The following DLL1 variants were observed in gnomAD, a reference collection of about 807,000 sequenced individuals.
DLL1 encodes delta-like protein 1.
A neutral mutation model predicts 75.1 loss-of-function variants in DLL1; 9 were observed. That is an observed-to-expected ratio of 0.12 (90% CI 0.07 to 0.21). The LOEUF (loss-of-function observed/expected upper bound fraction) is 0.21, where lower values mean the gene tolerates loss of function less well. Among genes scored for constraint, DLL1 ranks in the 10% least tolerant of loss-of-function variants. The pLI is 1.00. For synonymous variants in DLL1, 477 were observed against 418.3 expected, an observed-to-expected ratio of 1.14 and a Z score of -1.71; for missense variants, 837 against 1,007.6, an observed-to-expected ratio of 0.83 and a Z score of 2.29.
chr6:170,285,405 T>C lies in DLL1; in HGVS notation c.881A>G (p.His294Arg). Residue 294 changes from histidine (H) to arginine (R), a missense_variant, in exon 7 of 11, where the codon CAC (histidine) becomes CGC (arginine). This residue lies in a region of DLL1 where 304 missense variants were observed against 461.9 expected (regional missense o/e 0.66). Coordinates refer to ENST00000366756, the MANE Select transcript of DLL1 (RefSeq NM_005618.4). ...FCNQDLNYCT[H>R]HKPCKNGATC... ...GGCTCCATTCTTGCAGGGCTTATGG[T>C]GTGTGCAGTAGTTCAGGTCTGTGAA... 1 of 1,614,098 alleles carries C rather than the reference T, an allele frequency of 6.2e-7. No homozygotes were observed. Among genetic ancestry groups the C allele is most frequent in the Non-Finnish European group, 8.5e-7 (1 of 1,180,022 alleles).
At chr6:170,289,323 G>A (rs1392915724) in intron 2 of DLL1, 189 bp downstream of exon 2, 1 of 975,706 alleles carries the variant, frequency 1.0e-6, no homozygotes, top group Non-Finnish European at 1.5e-6. Context: ...AGGCCGCGGG[G>A]CCCCGGGGCG....
At position 170,283,827 on chromosome 6, in the gene DLL1, C is replaced by A. The variant is rs1445629780; in HGVS notation, c.1452G>T (p.Arg484Ser). 2 of 1,599,162 alleles carry A rather than the reference C, an allele frequency of 1.3e-6. No homozygotes were observed. The highest frequency in any genetic ancestry group is 8.5e-7 in the Non-Finnish European group (1 of 1,176,184). ...TGRNCSAPVS[R>S]CEHAPCHNGA... is the part of the protein sequence containing the mutation. ...CATTGTGGCAGGGTGCGTGCTCGCACCTGCTGACGGGGGCACTGCAGTTCC... is the reference window on the plus strand; with the variant it reads ...CATTGTGGCAGGGTGCGTGCTCGCAACTGCTGACGGGGGCACTGCAGTTCC... Residue 484 changes from arginine to serine, a missense_variant, in exon 9 of 11, where the codon AGG becomes AGT. Arg to Ser is a moderately radical substitution (Grantham distance 110). This residue lies in a region of DLL1 where 533 missense variants were observed against 545.7 expected (regional missense o/e 0.98). Transcript: ENST00000366756.
Position 170,290,213 on chromosome 6 carries a change from TCGA to T in DLL1, c.-77_-75del. 2.6e-6 allele frequency: 4 copies of T among 1,549,068 alleles called. No homozygotes were observed. The highest frequency in any genetic ancestry group is 3.5e-6 in the Non-Finnish European group (4 of 1,147,830). ...AGAACAGCGGCGGACGCGCGGGGGA[TCGA>T]TGGGCCACGGGGAGCGTGGGCAGAA... On this transcript the variant is annotated 5_prime_UTR_variant, in exon 1 of 11. Transcript: ENST00000366756. The surrounding 1 kb of genome is among the most constrained non-coding windows in gnomAD (Gnocchi z 4.7).
chr6:170,289,205 C>A, intron 2 of DLL1: 1 of 649,148 alleles, frequency 1.5e-6, no homozygotes, highest in Admixed American at 2.3e-5. Context: ...CAGAACCTTC[C>A]CACGTGAAGG....
chr6:170,289,584 A>G lies in DLL1; in HGVS notation c.279T>C (p.Ser93=), dbSNP rs1456969689. Residue 93 remains serine, a synonymous_variant, in exon 2 of 11, where the codon AGT becomes AGC. Transcript: ENST00000366756. ...AGTCGGCGCCCCCGCCGTCGGGCAG[A>G]CTGAAGGAGTCGACGCCCAGCACGG... is the stretch of plus-strand genomic sequence containing the variant. ...VTPVLGVDSF[S]LPDGGGADSA... 3 of 1,535,574 alleles carry G rather than the reference A, an allele frequency of 2.0e-6. No individual in the cohort carries two copies. The highest frequency in any genetic ancestry group is 2.0e-5 in the Admixed American group (1 of 50,984).
intron 2 of DLL1, among the ~76,000 whole-genome samples, 183 bp from the exon 3 acceptor site, chr6:170,288,972 G>T (rs1223519083): frequency 6.6e-6 from 1 of 152,220 alleles, no homozygotes; most frequent in South Asian, 2.1e-4. Context: ...TAAGGAAATG[G>T]AAGAACTTTT....
Position 170,283,790 on chromosome 6 carries a change from G to T in DLL1, c.1489C>A (p.His497Asn), listed in dbSNP as rs1238908942. Residue 497 changes from histidine (H) to asparagine (N), a missense_variant, in exon 9 of 11, where the codon CAC (histidine) becomes AAC (asparagine). His to Asn is a moderately conservative substitution (Grantham distance 68). Transcript: ENST00000366756. ...HAPCHNGATC[H>N]ERGHRYVCEC... Reference sequence around the variant, plus strand: ...CACACATAGCGGTGGCCCCTCTCGTGGCAGGTGGCCCCATTGTGGCAGGGT... The same window carrying T: ...CACACATAGCGGTGGCCCCTCTCGTTGCAGGTGGCCCCATTGTGGCAGGGT... 1 of 1,596,402 alleles carries T rather than the reference G, an allele frequency of 6.3e-7. No individual in the cohort carries two copies. Among genetic ancestry groups the T allele is most frequent in the Non-Finnish European group, 8.5e-7 (1 of 1,173,818 alleles).
At position 170,289,620 on chromosome 6, in the gene DLL1, G is replaced by A. The variant is rs903224235; in HGVS notation, c.243C>T (p.Ser81=). The A allele has an allele frequency of 7.8e-6, 12 of 1,536,966 alleles. No homozygotes were observed. The highest frequency in any genetic ancestry group is 3.9e-5 in the Admixed American group (2 of 50,958). The change falls in exon 2 of 11, where the codon AGC becomes AGT. Residue 81 remains serine, a synonymous_variant. Coordinates refer to ENST00000366756, the MANE Select transcript of DLL1 (RefSeq NM_005618.4). ...VSPEPPCTYG[S]AVTPVLGVDS... Reference sequence around the variant, plus strand: ...CGACGCCCAGCACGGGGGTGACGGCGCTGCCGTAGGTGCAGGGCGGCTCGG... The same window carrying A: ...CGACGCCCAGCACGGGGGTGACGGCACTGCCGTAGGTGCAGGGCGGCTCGG...
In DLL1 at chr6:170,285,092, T is replaced by C; in HGVS notation, c.1076A>G (p.Tyr359Cys). The C allele has an allele frequency of 6.2e-7, 1 of 1,614,072 alleles. No individual in the cohort carries two copies. Among genetic ancestry groups the C allele is most frequent in the Non-Finnish European group, 8.5e-7 (1 of 1,180,006 alleles). ...GGCACTCAATTCACAGATTTTGCCG[T>C]AGAAGCCGGGTGGGCAGGTACAGGA... ...SYSCTCPPGF[Y>C]GKICELSAMT... The change falls in exon 8 of 11, where the codon TAC becomes TGC. Residue 359 changes from tyrosine to cysteine, a missense_variant. Physicochemically the swap from Tyr to Cys is radical, Grantham distance 194. Coordinates refer to ENST00000366756, the MANE Select transcript of DLL1 (RefSeq NM_005618.4).
Position 170,290,067 on chromosome 6 carries a change from C to T in DLL1, c.54+19G>A. The T allele has an allele frequency of 6.4e-7, 1 of 1,574,294 alleles. No homozygotes were observed. On this transcript the variant is annotated intron_variant, in intron 1 of 10. Coordinates refer to ENST00000366756, the MANE Select transcript of DLL1 (RefSeq NM_005618.4). The surrounding 1 kb of genome is among the most constrained non-coding windows in gnomAD (Gnocchi z 4.7). ...CGTGAGACCCCGCGGGGCCGCGGCG[C>T]CCCCACCTGCCCGCCTACCTGACAC...
At chr6:170,284,849 T>G in intron 8 of DLL1, 70 bp downstream of exon 8, 1 of 1,491,590 alleles carries the variant, frequency 6.7e-7, no homozygotes, top group Non-Finnish European at 9.3e-7. Context: ...TCACAAATGC[T>G]TGTTTTTAAT....
intron 2 of DLL1, 65 bp downstream of exon 2, chr6:170,289,447 C>A: frequency 2.0e-6 from 3 of 1,521,034 alleles, no homozygotes; most frequent in Non-Finnish European, 2.6e-6. Flanking sequence ...AAGGCGGGAT[C>A]CCAGCGCGTC....
At chr6:170,287,567 A>C (rs1448323214) in intron 4 of DLL1, among the ~76,000 whole-genome samples, 1 of 152,184 alleles carries the variant, frequency 6.6e-6, no homozygotes, top group Non-Finnish European at 1.5e-5. Context: ...AATACCTAAT[A>C]AGAGGCAGGT....
intron 2 of DLL1, 113 bp downstream of exon 2, chr6:170,289,399 G>T: frequency 6.9e-7 from 1 of 1,451,874 alleles, no homozygotes; most frequent in Non-Finnish European, 9.2e-7. Flanking sequence ...GCCCACCTGC[G>T]CCTCGCGGGG....
rs1445629780 is a variant in DLL1, at chr6:170,283,827, C to T, written c.1452G>A (p.Arg484=). 2 of 1,599,160 alleles carry T rather than the reference C, an allele frequency of 1.3e-6. No homozygotes were observed. The highest frequency in any genetic ancestry group is 1.7e-6 in the Non-Finnish European group (2 of 1,176,184). ...CATTGTGGCAGGGTGCGTGCTCGCA[C>T]CTGCTGACGGGGGCACTGCAGTTCC... The part of the protein sequence containing the change: ...TGRNCSAPVS[R]CEHAPCHNGA... The change falls in exon 9 of 11, where the codon AGG becomes AGA. Residue 484 remains arginine (R), a synonymous_variant. Coordinates refer to ENST00000366756, the MANE Select transcript of DLL1 (RefSeq NM_005618.4).
At chr6:170,288,683 C>T in intron 3 of DLL1, 46 bp downstream of exon 3, 1 of 1,612,842 alleles carries the variant, frequency 6.2e-7, no homozygotes, top group Non-Finnish European at 8.5e-7. Context: ...AAGTCCAATG[C>T]TATTAACTGG....
chr6:170,286,268 T>C lies in DLL1; in HGVS notation c.701A>G (p.His234Arg). The C allele has an allele frequency of 1.9e-6, 3 of 1,614,212 alleles. No individual in the cohort carries two copies. Among genetic ancestry groups the C allele is most frequent in the Non-Finnish European group, 2.5e-6 (3 of 1,180,042 alleles). ...PICLPGCDEQ[H>R]GFCDKPGECK... ...TTCCCCTGGTTTGTCACAAAATCCA[T>C]GCTGCTCATCACATCCAGGCAGGCA... Residue 234 changes from histidine to arginine, a missense_variant, in exon 5 of 11, where the codon CAT becomes CGT. Around this residue, in one of 2 missense-constraint regions of DLL1, gnomAD observed 304 missense variants for 461.9 expected, o/e 0.66. Transcript: ENST00000366756.
In DLL1 at chr6:170,282,686, G is replaced by A. The variant is rs558939833; in HGVS notation, c.*188C>T. 5.1e-5 allele frequency: 45 copies of A among 878,516 alleles called. No individual in the cohort carries two copies. The highest frequency in any genetic ancestry group is 2.7e-4 in the East Asian group (11 of 40,696). 54.4% of individuals were successfully genotyped at this position (878,516 alleles called of 1,614,324 possible). ...CGTCACGGAAGGCAGTGCCGCAGGC[G>A]GCCGGGCCGCGACAGGCTGTCGGCA... On this transcript the variant is annotated 3_prime_UTR_variant, in exon 11 of 11. Coordinates refer to ENST00000366756, the MANE Select transcript of DLL1 (RefSeq NM_005618.4).
chr6:170,286,814 C>T (rs1032047995), intron 4 of DLL1, among the ~76,000 whole-genome samples: 6 of 152,052 alleles, frequency 3.9e-5, no homozygotes, highest in Non-Finnish European at 8.8e-5. Flanking sequence ...CACACACACA[C>T]ACACACACAC....
Sources: allele counts gnomAD v4.1 joint callset (sites outside exome capture counted in the v4.1 genomes callset), GRCh38; gene constraint gnomAD v4.1.1; regional missense constraint gnomAD v4.1.1; non-coding constraint Gnocchi (gnomAD v3.1); transcripts MANE v1.5; gene names NCBI Gene and HGNC (gene_info 2026-07-23, HGNC 2026-07-21).